Variants in MSI2 observed in about 807,000 individuals in gnomAD.
The protein encoded by MSI2 is musashi RNA binding protein 2, also known as RNA-binding protein Musashi homolog 2.
MSI2 carries 17 observed loss-of-function variants against 45.6 expected under a neutral mutation model. The ratio of observed to expected loss-of-function variants is 0.37; its 90% CI spans 0.26 to 0.56. MSI2 has a LOEUF of 0.56. Ranked by LOEUF, MSI2 falls within the 20% of genes least tolerant of loss-of-function variation. The pLI, the probability that MSI2 is intolerant of heterozygous loss-of-function variation, is 0.77. For synonymous variants in MSI2, 156 were observed against 158.2 expected (o/e 0.99, Z 0.11); for missense variants, 293 against 444.2 (o/e 0.66, Z 3.06).
chr17:57,315,947 G>A (rs1269792268), intron 5 of MSI2, among the ~76,000 whole-genome samples: 2 of 152,084 alleles, frequency 1.3e-5, no homozygotes, highest in African/African-American at 4.8e-5. Flanking sequence ...AGACTCACGT[G>A]GGGTATTGAG....
intron 6 of MSI2, among the ~76,000 whole-genome samples, chr17:57,450,752 G>T (rs1464821111): frequency 6.8e-6 from 1 of 146,066 alleles, no homozygotes; most frequent in East Asian, 2.0e-4. Context: ...CCCCCCACCT[G>T]CTGGCCACCA....
At chr17:57,376,154 G>A (rs2083492905) in intron 5 of MSI2, among the ~76,000 whole-genome samples, 1 of 152,204 alleles carries the variant, frequency 6.6e-6, no homozygotes, top group African/African-American at 2.4e-5. Flanking sequence ...AGTGGTGGGT[G>A]AGTTGCTTGG....
chr17:57,489,314 C>T (rs552287090), intron 6 of MSI2, among the ~76,000 whole-genome samples: 1 of 152,056 alleles, frequency 6.6e-6, no homozygotes, highest in Non-Finnish European at 1.5e-5. Flanking sequence ...CCTAAAGAGG[C>T]ATGTAGCAGC....
intron 7 of MSI2, among the ~76,000 whole-genome samples, chr17:57,537,025 G>A (rs534293924): frequency 6.6e-6 from 1 of 152,336 alleles, no homozygotes; most frequent in South Asian, 2.1e-4. Flanking sequence ...GTCTTGAGGG[G>A]AGTGGAGAGC....
At chr17:57,523,255 G>A (rs1349022942) in intron 6 of MSI2, among the ~76,000 whole-genome samples, 1 of 152,064 alleles carries the variant, frequency 6.6e-6, no homozygotes, top group Non-Finnish European at 1.5e-5. Context: ...CACTATGTTG[G>A]CCAGGCTGGT....
chr17:57,485,670 C>A (rs201471033), intron 6 of MSI2, among the ~76,000 whole-genome samples: 2 of 152,354 alleles, frequency 1.3e-5, no homozygotes, highest in East Asian at 3.9e-4. Flanking sequence ...GAATCTTGAT[C>A]TGCATGCTGA....
intron 8 of MSI2, among the ~76,000 whole-genome samples, chr17:57,609,729 G>A (rs780888942): frequency 7.2e-5 from 11 of 152,222 alleles, no homozygotes; most frequent in South Asian, 4.1e-4. Flanking sequence ...CAAGGGCTTC[G>A]GATCCACTGG....
At chr17:57,415,590 A>G (rs1289127193) in intron 6 of MSI2, among the ~76,000 whole-genome samples, 2 of 152,176 alleles carry the variant, frequency 1.3e-5, no homozygotes, top group African/African-American at 4.8e-5. Context: ...ACATTTGCCC[A>G]GGGTCTGGCA....
chr17:57,412,516 A>G (rs2084216040), intron 6 of MSI2, among the ~76,000 whole-genome samples: 1 of 152,190 alleles, frequency 6.6e-6, no homozygotes, highest in Admixed American at 6.5e-5. Flanking sequence ...AGGAGTACAT[A>G]GGTAGAAAAG....
chr17:57,300,650 G>A (rs1215951284), intron 5 of MSI2, among the ~76,000 whole-genome samples: 1 of 152,074 alleles, frequency 6.6e-6, no homozygotes, highest in East Asian at 1.9e-4. Context: ...CCCGAGACTC[G>A]GTAAGTTATA....
intron 5 of MSI2, among the ~76,000 whole-genome samples, chr17:57,332,449 G>T (rs987373951): frequency 2.6e-5 from 4 of 152,162 alleles, no homozygotes; most frequent in Non-Finnish European, 5.9e-5. Flanking sequence ...AGTCCAGTGT[G>T]AGAGTCACAA....
intron 11 of MSI2, among the ~76,000 whole-genome samples, chr17:57,653,524 G>A (rs1014003775): frequency 3.0e-4 from 45 of 152,150 alleles, no homozygotes; most frequent in African/African-American, 9.4e-4. Context: ...CAGCTGCCTC[G>A]TGTCTCCCTG....
At chr17:57,632,641 C>A (rs559541197) in intron 10 of MSI2, 1 of 1,066,078 alleles carries the variant, frequency 9.4e-7, no homozygotes, top group Non-Finnish European at 1.1e-6. Flanking sequence ...TCCTGCCCAT[C>A]ACCCTTAGAA....
chr17:57,660,164 C>T (rs1167941048), intron 11 of MSI2, among the ~76,000 whole-genome samples: 1 of 152,154 alleles, frequency 6.6e-6, no homozygotes, highest in African/African-American at 2.4e-5. Context: ...CCCTCCTTCT[C>T]ATTTCAATAC....
At chr17:57,320,324 C>T (rs1913227853) in intron 5 of MSI2, among the ~76,000 whole-genome samples, 1 of 152,032 alleles carries the variant, frequency 6.6e-6, no homozygotes, top group Non-Finnish European at 1.5e-5. Context: ...GGATGGTCTG[C>T]TTTTTGCCTC....
chr17:57,552,159 G>A lies in MSI2; in HGVS notation c.454+22435G>A, dbSNP rs192017090. Among the ~76,000 whole-genome samples the A allele has an allele frequency of 4.6e-3, 701 of 152,292 alleles. 1 individual carries two copies. Among genetic ancestry groups the A allele is most frequent in the Middle Eastern group, 0.014 (4 of 294 alleles). On this transcript the variant is annotated intron_variant, in intron 7 of 13. Coordinates refer to ENST00000284073, the MANE Select transcript of MSI2 (RefSeq NM_138962.4). The surrounding 1 kb of genome is among the most constrained non-coding windows in gnomAD (Gnocchi z 4.3). Reference sequence around the variant, plus strand: ...GCCACACACCAGGGCTCTGTCCCCCGACTTCCTCACTAGACCCTCAGGCCA... The same window carrying A: ...GCCACACACCAGGGCTCTGTCCCCCAACTTCCTCACTAGACCCTCAGGCCA...
At chr17:57,674,922 G>C in intron 11 of MSI2, 50 bp from the exon 12 acceptor site, 5 of 1,608,526 alleles carry the variant, frequency 3.1e-6, no homozygotes, top group Non-Finnish European at 4.2e-6. Context: ...CACCAGTCCT[G>C]AATAGCTACA....
intron 6 of MSI2, among the ~76,000 whole-genome samples, chr17:57,405,163 C>G (rs140781408): frequency 6.6e-6 from 1 of 152,270 alleles, no homozygotes; most frequent in South Asian, 2.1e-4. Flanking sequence ...TGGGTTGTTC[C>G]TTTGCTGGCC....
chr17:57,428,038 A>C (rs1213376494), intron 6 of MSI2, among the ~76,000 whole-genome samples: 1 of 152,234 alleles, frequency 6.6e-6, no homozygotes, highest in Non-Finnish European at 1.5e-5. Flanking sequence ...AAACAGGGTG[A>C]TAGTGGGGAG....
Sources: gnomAD v4.1 joint callset for allele counts (sites outside exome capture counted in the v4.1 genomes callset) on GRCh38, gnomAD v4.1.1 for gene constraint, Gnocchi (gnomAD v3.1) non-coding constraint, MANE v1.5 for transcripts, NCBI Gene and HGNC (gene_info 2026-07-23, HGNC 2026-07-21) for gene names.